The following SBF1 variants were observed in gnomAD, a reference collection of about 807,000 sequenced individuals.
SBF1 encodes the protein SET binding factor 1, also known as myotubularin-related protein 5.
Under a neutral mutation model 215.8 loss-of-function variants are expected in SBF1, and 65 were observed. The ratio of observed to expected loss-of-function variants is 0.30; its 90% CI spans 0.25 to 0.37. The LOEUF is 0.37. Ranked by LOEUF, SBF1 falls within the 10% of genes least tolerant of loss-of-function variation. The pLI is 1.00. For synonymous variants in SBF1, 1,410 were observed against 1,122.8 expected (o/e 1.26, Z -5.11); for missense variants, 2,634 against 2,667.8 (o/e 0.99, Z 0.28).
intron 1 of SBF1, among the ~76,000 whole-genome samples, chr22:50,472,690 G>C (rs140214146): frequency 6.6e-6 from 1 of 152,302 alleles, no homozygotes; most frequent in East Asian, 1.9e-4. Flanking sequence ...GGCTATCAAG[G>C]GGCAAAGCAG....
rs759902083 is a variant in SBF1 at position 50,460,669 on chromosome 22, G to A, written c.3011C>T (p.Ala1004Val). 6.8e-6 allele frequency: 11 copies of A among 1,613,916 alleles called. No homozygotes were observed. The South Asian group carries it at 1.2e-4, about 18-fold the overall frequency. ...AFDEEVGSDS[A>V]ELFRKQLHKL... is the part of the protein sequence containing the mutation. ...ATGCAGCTGCTTACGGAAGAGCTCG[G>A]CGCTGTCAGACCCCACCTCCTCGTC... The change falls in exon 24 of 41, where the codon GCC becomes GTC. Residue 1004 changes from alanine (A) to valine (V), a missense_variant. Transcript: ENST00000380817.
In SBF1 at chr22:50,468,434, A is replaced by C. The variant is rs780365074; in HGVS notation, c.83T>G (p.Leu28Arg). Reference sequence around the variant, plus strand: ...CCAGTCCTTCTCTGGGAAGCGCTGCAGAATCTGGCCCTGGCCTTCCCCACT... The same window carrying C: ...CCAGTCCTTCTCTGGGAAGCGCTGCCGAATCTGGCCCTGGCCTTCCCCACT... ...RGSGEGQGQI[L>R]QRFPEKDWED... The change falls in exon 2 of 41, where the codon CTG becomes CGG. Residue 28 changes from leucine (L) to arginine (R), a missense_variant. Coordinates refer to ENST00000380817, the MANE Select transcript of SBF1 (RefSeq NM_002972.4). The C allele has an allele frequency of 6.2e-7, 1 of 1,611,586 alleles. No homozygotes were observed. Among genetic ancestry groups the C allele is most frequent in the Non-Finnish European group, 8.5e-7 (1 of 1,178,738 alleles).
chr22:50,455,120 T>A lies in SBF1; in HGVS notation c.4577A>T (p.Glu1526Val). The stretch of plus-strand genomic sequence containing the variant: ...GAGGTAGAACTGGCTGAACTCAAAC[T>A]CCATGGGGAACTGCAGGTGGACCTG... The part of the protein sequence containing the change: ...VHQVHLQFPM[E>V]FEFSQFYLKF... The change falls in exon 34 of 41, where the codon GAG (glutamate) becomes GTG (valine). Residue 1526 changes from glutamate (E) to valine (V), a missense_variant. Coordinates refer to ENST00000380817, the MANE Select transcript of SBF1 (RefSeq NM_002972.4). 1 of 1,614,050 alleles carries A rather than the reference T, an allele frequency of 6.2e-7. No individual in the cohort carries two copies. The highest frequency in any genetic ancestry group is 8.5e-7 in the Non-Finnish European group (1 of 1,180,010).
intron 36 of SBF1, among the ~76,000 whole-genome samples, chr22:50,451,130 G>A (rs572554220): frequency 1.6e-5 from 2 of 123,298 alleles, no homozygotes; most frequent in Non-Finnish European, 3.2e-5. Flanking sequence ...AGGAGTTTGA[G>A]ACCTGCCTGG....
chr22:50,461,038 A>G, intron 23 of SBF1, 121 bp downstream of exon 23: 1 of 1,305,056 alleles, frequency 7.7e-7, no homozygotes, highest in Non-Finnish European at 1.0e-6. Flanking sequence ...CCAGACATGC[A>G]AGCGTAACAA....
At chr22:50,465,681 CCT>C (rs2067718955) in intron 10 of SBF1, 80 bp downstream of exon 10, 3 of 1,317,480 alleles carry the variant, frequency 2.3e-6, no homozygotes, top group Admixed American at 5.2e-5. Flanking sequence ...GGGGTGGGGC[CCT>C]GTGTGTCAGT....
intron 1 of SBF1, among the ~76,000 whole-genome samples, chr22:50,471,398 T>C (rs1247546042): frequency 6.6e-6 from 1 of 152,166 alleles, no homozygotes; most frequent in Non-Finnish European, 1.5e-5. Flanking sequence ...CCATCATCAG[T>C]GCCAGGCTCT....
rs2067515341 is a variant in SBF1 at position 50,461,596 on chromosome 22, C to T, written c.2766G>A (p.Leu922=). The T allele has an allele frequency of 1.2e-6, 2 of 1,612,108 alleles. No individual in the cohort carries two copies. The highest frequency in any genetic ancestry group is 2.2e-5 in the East Asian group (1 of 44,868). Reference sequence around the variant, plus strand: ...GGAAGACGGCGCCCTCAGCTGGGAGCAATGCTGGTCCCCCAGCACTGCCCC... The same window carrying T: ...GGAAGACGGCGCCCTCAGCTGGGAGTAATGCTGGTCCCCCAGCACTGCCCC... ...GAGGSAGGPA[L]LPAEGAVFLT... Residue 922 remains leucine, a synonymous_variant, in exon 22 of 41, where the codon TTG becomes TTA. Coordinates refer to ENST00000380817, the MANE Select transcript of SBF1 (RefSeq NM_002972.4).
intron 6 of SBF1, 22 bp downstream of exon 6, chr22:50,466,583 G>T: frequency 3.2e-6 from 5 of 1,541,866 alleles, no homozygotes; most frequent in Non-Finnish European, 4.4e-6. Flanking sequence ...AAGCCATGCG[G>T]GGGTGGGACA....
chr22:50,459,795 C>G, intron 26 of SBF1, 129 bp from the exon 27 acceptor site: 1 of 1,307,810 alleles, frequency 7.6e-7, no homozygotes, highest in Non-Finnish European at 1.0e-6. Flanking sequence ...CCACGGGGCC[C>G]CCCAGCCACC....
intron 1 of SBF1, 43 bp from the exon 2 acceptor site, chr22:50,468,504 C>T (rs751886080): frequency 1.7e-6 from 2 of 1,201,382 alleles, no homozygotes; most frequent in South Asian, 1.4e-5. Flanking sequence ...ACCCGCCCCC[C>T]ACCCACCAGG....
In SBF1 at chr22:50,456,404, A is replaced by T. The variant is rs781361001; in HGVS notation, c.4087-9T>A. ...GGGTCTGACCGCACACCCTGAAAAG[A>T]ATCCGGACAAGTCCCGTGAGACACA... is the stretch of plus-strand genomic sequence containing the variant. On this transcript the variant is annotated splice_polypyrimidine_tract_variant and intron_variant, in intron 30 of 40. Coordinates refer to ENST00000380817, the MANE Select transcript of SBF1 (RefSeq NM_002972.4). 4 of 1,611,108 alleles carry T rather than the reference A, an allele frequency of 2.5e-6. No individual in the cohort carries two copies. Among genetic ancestry groups the T allele is most frequent in the Middle Eastern group, 1.9e-4 (1 of 5,226 alleles).
intron 1 of SBF1, among the ~76,000 whole-genome samples, chr22:50,474,123 G>A (rs1187224616): frequency 1.3e-5 from 2 of 152,182 alleles, no homozygotes; most frequent in Admixed American, 6.5e-5. Flanking sequence ...CATGGGCACC[G>A]ACCGCCACGC....
intron 30 of SBF1, 26 bp downstream of exon 30, chr22:50,456,465 AC>A (rs1402702802): frequency 1.3e-5 from 10 of 755,626 alleles, no homozygotes; most frequent in South Asian, 1.9e-5. Flanking sequence ...CCCCACCCTC[AC>A]CCCCCACCCC....
rs202068159 is a variant in SBF1, at chr22:50,459,504, G to A, written c.3654C>T (p.Val1218=). Residue 1218 remains valine (V), a synonymous_variant, in exon 27 of 41, where the codon GTC becomes GTT. Transcript: ENST00000380817. The stretch of plus-strand genomic sequence containing the variant: ...GTGCGTTCTGGGCCTTGAAGAGGCC[G>A]ACGACACCTTTGCCATGCAGGCCTC... ...RSGGLHGKGV[V]GLFKAQNAPS... 220 of 1,610,046 alleles carry A rather than the reference G, an allele frequency of 1.4e-4. 1 individual carries two copies. In the African/African-American group the frequency reaches 2.5e-3, roughly 19 times the overall value.
At chr22:50,464,974 G>T (rs373228943) in intron 12 of SBF1, 27 bp downstream of exon 12, 1 of 1,613,894 alleles carries the variant, frequency 6.2e-7, no homozygotes, top group South Asian at 1.1e-5. Context: ...CAGGGCAGGG[G>T]GCTGGGAGGG....
intron 1 of SBF1, among the ~76,000 whole-genome samples, chr22:50,470,360 C>T (rs2067953071): frequency 6.6e-6 from 1 of 152,178 alleles, no homozygotes; most frequent in African/African-American, 2.4e-5. Flanking sequence ...AGGTCACCAT[C>T]TACCTTGACC....
chr22:50,462,436 G>A lies in SBF1; in HGVS notation c.2165C>T (p.Ser722Phe), dbSNP rs2067556975. 2 of 1,613,984 alleles carry A rather than the reference G, an allele frequency of 1.2e-6. No individual in the cohort carries two copies. The highest frequency in any genetic ancestry group is 1.1e-5 in the South Asian group (1 of 91,090). Residue 722 changes from serine (S) to phenylalanine (F), a missense_variant, in exon 19 of 41, where the codon TCT (serine) becomes TTT (phenylalanine). Physicochemically the swap from Ser to Phe is radical, Grantham distance 155. Transcript: ENST00000380817. The part of the protein sequence containing the change: ...GEAPSQEDER[S>F]ALDVASEQRR... ...CTGCTCAGAAGCCACGTCTAGGGCA[G>A]AGCGCTCGTCCTCCTGGGAAGGTGC...
At position 50,464,655 on chromosome 22, in the gene SBF1, G is replaced by C. The variant is rs1254591186; in HGVS notation, c.1515C>G (p.Phe505Leu). The C allele has an allele frequency of 6.2e-7, 1 of 1,608,666 alleles. No homozygotes were observed. The highest frequency in any genetic ancestry group is 8.5e-7 in the Non-Finnish European group (1 of 1,179,770). The change falls in exon 14 of 41, where the codon TTC (phenylalanine) becomes TTG (leucine). Residue 505 changes from phenylalanine (F) to leucine (L), a missense_variant. Physicochemically the swap from Phe to Leu is conservative, Grantham distance 22 (BLOSUM62 0). Coordinates refer to ENST00000380817, the MANE Select transcript of SBF1 (RefSeq NM_002972.4). The part of the protein sequence containing the change: ...SSHLRRVPRP[F>L]PRLDEGTVQW... ...GCACGGTGCCCTCATCCAGCCGGGGGAAGGGTCGGGGCACCCGTCGCAGGT... is the reference window on the plus strand; with the variant it reads ...GCACGGTGCCCTCATCCAGCCGGGGCAAGGGTCGGGGCACCCGTCGCAGGT...
Sources: allele counts gnomAD v4.1 joint callset (sites outside exome capture counted in the v4.1 genomes callset), GRCh38; gene constraint gnomAD v4.1.1; transcripts MANE v1.5; gene names NCBI Gene and HGNC (gene_info 2026-07-23, HGNC 2026-07-21).